The following MAOA variants were observed in gnomAD, a reference collection of about 807,000 sequenced individuals.
The protein encoded by MAOA is amine oxidase [flavin-containing] A.
MAOA carries 6 observed loss-of-function variants against 42.0 expected under a neutral mutation model. The ratio of observed to expected loss-of-function variants is 0.14; its 90% confidence interval spans 0.08 to 0.28. The LOEUF (loss-of-function observed/expected upper bound fraction) is 0.28, where lower values mean the gene tolerates loss of function less well. MAOA is among the 10% of genes least tolerant of loss of function. The pLI, the probability that MAOA is intolerant of heterozygous loss-of-function variation, is 1.00. For synonymous variants in MAOA, 140 were observed against 154.0 expected (o/e 0.91, Z 0.67); for missense variants, 262 against 422.3 (o/e 0.62, Z 3.33).
chrX:43,660,991 G>A (rs1432240428), intron 1 of MAOA, among the ~76,000 whole-genome samples: 1 of 111,879 alleles, frequency 8.9e-6, no homozygotes, highest in East Asian at 2.8e-4. Context: ...TGAGTCTTTG[G>A]GTCAAAGGGG....
intron 3 of MAOA, among the ~76,000 whole-genome samples, chrX:43,706,690 A>G (rs73470770): frequency 0.06 from 6,608 of 110,980 alleles, 464 homozygotes; most frequent in African/African-American, 0.2. Context: ...GCACACACCT[A>G]TAGTCCCAGC....
chrX:43,744,558 A>G lies in MAOA; in HGVS notation c.*45A>G. The G allele has an allele frequency of 8.5e-7, 1 of 1,179,325 alleles. No individual in the cohort carries two copies. Among genetic ancestry groups the G allele is most frequent in the Non-Finnish European group, 1.2e-6 (1 of 866,283 alleles). ...CTGCTCACTGGTTTTCAATACCACC[A>G]AGAGGAAAATATTGACAAGTTTAAA... On this transcript the variant is annotated 3_prime_UTR_variant, in exon 15 of 15. Coordinates refer to ENST00000338702, the MANE Select transcript of MAOA (RefSeq NM_000240.4).
intron 3 of MAOA, among the ~76,000 whole-genome samples, chrX:43,703,310 C>T (rs1250328101): frequency 1.8e-5 from 2 of 111,812 alleles, no homozygotes; most frequent in African/African-American, 3.3e-5. Flanking sequence ...TTGCCCTTTG[C>T]CCCTCTCTAC....
chrX:43,664,371 T>C (rs1345727418), intron 1 of MAOA, among the ~76,000 whole-genome samples: 1 of 111,772 alleles, frequency 8.9e-6, no homozygotes, highest in Non-Finnish European at 1.9e-5. Context: ...CCATCGTCTA[T>C]TCAGTGACTT....
At chrX:43,725,824 A>G (rs1225994019) in intron 5 of MAOA, among the ~76,000 whole-genome samples, 1 of 111,756 alleles carries the variant, frequency 8.9e-6, no homozygotes, top group Admixed American at 9.5e-5. Context: ...TGTCCTTTCC[A>G]TGTTTAGTGC....
chrX:43,676,105 A>G (rs2033392806), intron 1 of MAOA, among the ~76,000 whole-genome samples: 1 of 112,276 alleles, frequency 8.9e-6, no homozygotes, highest in African/African-American at 3.2e-5. Context: ...ACCCAGTTCA[A>G]GCTTCCCGGC....
chrX:43,674,973 C>A (rs1169348124), intron 1 of MAOA, among the ~76,000 whole-genome samples: 2 of 111,471 alleles, frequency 1.8e-5, no homozygotes, highest in Non-Finnish European at 3.8e-5. Context: ...CTCTGTATTT[C>A]CTGAATCTGA....
At chrX:43,708,855 G>GT (rs1458298382) in intron 3 of MAOA, among the ~76,000 whole-genome samples, 1 of 106,673 alleles carries the variant, frequency 9.4e-6, no homozygotes, top group African/African-American at 3.4e-5. Flanking sequence ...GTAGAGACGG[G>GT]TTTTTTTGTT....
intron 1 of MAOA, among the ~76,000 whole-genome samples, chrX:43,669,786 C>CT (rs761153786): frequency 3.1e-4 from 35 of 111,442 alleles, no homozygotes; most frequent in African/African-American, 4.6e-4. Context: ...TCCATAGCAC[C>CT]TTTTTTTTAC....
At chrX:43,675,790 G>A (rs1233251725) in intron 1 of MAOA, among the ~76,000 whole-genome samples, 6 of 111,898 alleles carry the variant, frequency 5.4e-5, no homozygotes, top group African/African-American at 1.6e-4. Context: ...CTGTCTGATC[G>A]TTCCTCTGGA....
intron 3 of MAOA, among the ~76,000 whole-genome samples, chrX:43,698,539 C>G (rs745420037): frequency 1.8e-5 from 2 of 112,175 alleles, no homozygotes; most frequent in Non-Finnish European, 3.8e-5. Context: ...TAAGTATTTA[C>G]AGAGCAAAAT....
Position 43,671,409 on chromosome X carries a change from G to C in MAOA, c.74-12104G>C, listed in dbSNP as rs778400778. 3.1e-4 allele frequency among the ~76,000 whole-genome samples: 35 copies of C among 112,137 alleles called. No homozygotes were observed. In the East Asian group the frequency reaches 9.2e-3, roughly 29 times the overall value. On this transcript the variant is annotated intron_variant, in intron 1 of 14. Coordinates refer to ENST00000338702, the MANE Select transcript of MAOA (RefSeq NM_000240.4). ...CTGTAGGTTGCCTGTTCACTCTGACGGTAGTTTCTTTTGCTGTGCAGAAGC... is the reference window on the plus strand; with the variant it reads ...CTGTAGGTTGCCTGTTCACTCTGACCGTAGTTTCTTTTGCTGTGCAGAAGC...
chrX:43,667,676 A>G (rs2033294270), intron 1 of MAOA, among the ~76,000 whole-genome samples: 1 of 111,458 alleles, frequency 9.0e-6, no homozygotes, highest in Admixed American at 9.6e-5. Flanking sequence ...GTGATGTTCT[A>G]CAGGAAACAT....
intron 1 of MAOA, among the ~76,000 whole-genome samples, chrX:43,668,509 T>C (rs2033301627): frequency 8.9e-6 from 1 of 112,540 alleles, no homozygotes; most frequent in South Asian, 3.6e-4. Flanking sequence ...TTTAAGGTTT[T>C]TATGTTATGC....
chrX:43,679,204 A>G (rs1020261313), intron 1 of MAOA, among the ~76,000 whole-genome samples: 1 of 111,305 alleles, frequency 9.0e-6, no homozygotes, highest in African/African-American at 3.3e-5. Context: ...AATTTTATTT[A>G]GTTATATCCT....
At chrX:43,674,348 G>A (rs1342029651) in intron 1 of MAOA, among the ~76,000 whole-genome samples, 2 of 110,472 alleles carry the variant, frequency 1.8e-5, no homozygotes, top group Non-Finnish European at 3.8e-5. Context: ...GTCTCTGCAC[G>A]TGAGATGGGT....
chrX:43,711,837 C>G (rs1269770558), intron 3 of MAOA, 35 bp from the exon 4 acceptor site: 1 of 1,054,405 alleles, frequency 9.5e-7, no homozygotes, highest in East Asian at 3.0e-5. Flanking sequence ...AGATATTACT[C>G]TTTTTGATTG....
chrX:43,693,555 T>A, intron 3 of MAOA, 127 bp downstream of exon 3: 1 of 717,231 alleles, frequency 1.4e-6, no homozygotes, highest in Non-Finnish European at 2.1e-6. Flanking sequence ...TGAAGTAGTA[T>A]TTGCCTTTCT....
chrX:43,669,095 C>A (rs1296338456), intron 1 of MAOA, among the ~76,000 whole-genome samples: 2 of 109,738 alleles, frequency 1.8e-5, no homozygotes, highest in East Asian at 5.7e-4. Context: ...ATTCATTGTA[C>A]ATAGGGTAGA....
Sources: allele counts gnomAD v4.1 joint callset (sites outside exome capture counted in the v4.1 genomes callset), GRCh38; gene constraint gnomAD v4.1.1; transcripts MANE v1.5; gene names NCBI Gene and HGNC (gene_info 2026-07-23, HGNC 2026-07-21).